Variants in CSGALNACT1 observed in about 807,000 individuals in gnomAD.
CSGALNACT1 encodes the protein beta4GalNAcT-1.
A neutral mutation model predicts 51.0 loss-of-function variants in CSGALNACT1; 52 were observed. That is an observed-to-expected ratio of 1.02 (90% confidence interval 0.82 to 1.29). The LOEUF is 1.29. Among genes scored for constraint, CSGALNACT1 ranks in the 50% most tolerant of loss-of-function variants. CSGALNACT1 has a pLI of 0.00. For synonymous variants in CSGALNACT1, 341 were observed against 254.4 expected (o/e 1.34, Z -3.24); for missense variants, 935 against 679.2 (o/e 1.38, Z -4.19).
chr8:19,431,753 A>G (rs1032762820), intron 6 of CSGALNACT1, among the ~76,000 whole-genome samples: 4 of 151,952 alleles, frequency 2.6e-5, no homozygotes, highest in African/African-American at 9.7e-5. Context: ...TTAATTCTTT[A>G]AACACTTGGT....
chr8:19,417,200 A>G (rs907080584), intron 8 of CSGALNACT1, among the ~76,000 whole-genome samples: 3 of 152,226 alleles, frequency 2.0e-5, no homozygotes, highest in African/African-American at 7.2e-5. Flanking sequence ...GTTTTTATGT[A>G]TAAAGCACAG....
intron 1 of CSGALNACT1, among the ~76,000 whole-genome samples, chr8:19,707,740 C>A (rs553565076): frequency 6.6e-6 from 1 of 152,296 alleles, no homozygotes; most frequent in South Asian, 2.1e-4. Context: ...GTGGCTCACA[C>A]CTGTAATCCC....
chr8:19,511,107 G>C lies in CSGALNACT1; in HGVS notation c.-296-4977C>G, dbSNP rs752894950. Among the ~76,000 whole-genome samples, 17 of 152,268 alleles carry C rather than the reference G, an allele frequency of 1.1e-4. No homozygotes were observed. In the South Asian group the frequency reaches 2.9e-3, roughly 26 times the overall value. ...ACGCTGTCAGGGTCAGCAGCAGGCA[G>C]AAAGGACAGTGGCTTCATGGCAAGG... On this transcript the variant is annotated intron_variant, in intron 3 of 9. Coordinates refer to ENST00000454498, the Ensembl canonical transcript of CSGALNACT1.
chr8:19,535,187 GACA>G (rs2083498301), intron 3 of CSGALNACT1, among the ~76,000 whole-genome samples: 1 of 151,504 alleles, frequency 6.6e-6, no homozygotes, highest in Non-Finnish European at 1.5e-5. Context: ...ACATATAAAT[GACA>G]ACATTTGAAA....
At chr8:19,707,615 C>G (rs555082433) in intron 1 of CSGALNACT1, among the ~76,000 whole-genome samples, 86 of 135,444 alleles carry the variant, frequency 6.3e-4, no homozygotes, top group African/African-American at 2.3e-3. Context: ...TTAAATCACC[C>G]TCTACAAGAG....
At chr8:19,409,890 G>A (rs1233722777) in intron 8 of CSGALNACT1, among the ~76,000 whole-genome samples, 1 of 152,052 alleles carries the variant, frequency 6.6e-6, no homozygotes, top group African/African-American at 2.4e-5. Flanking sequence ...TATAAAACAA[G>A]GGGGTTAAAT....
chr8:19,677,120 T>TC (rs1270643789), intron 1 of CSGALNACT1, among the ~76,000 whole-genome samples: 6 of 150,552 alleles, frequency 4.0e-5, no homozygotes, highest in Non-Finnish European at 5.9e-5. Context: ...CTTTTTTTTT[T>TC]CCTCCTAAAA....
chr8:19,535,751 G>A (rs1395148729), intron 3 of CSGALNACT1, among the ~76,000 whole-genome samples: 2 of 152,112 alleles, frequency 1.3e-5, no homozygotes, highest in African/African-American at 4.8e-5. Flanking sequence ...ATCAACTGAT[G>A]TCAAAAAACA....
intron 5 of CSGALNACT1, among the ~76,000 whole-genome samples, chr8:19,446,496 A>AATTCATTC (rs375986004): frequency 5.9e-5 from 9 of 151,880 alleles, no homozygotes; most frequent in South Asian, 2.1e-4. Context: ...GAAGCCTGAA[A>AATTCATTC]ATTCATTCAT....
chr8:19,501,418 T>C (rs2076397589), intron 4 of CSGALNACT1, among the ~76,000 whole-genome samples: 1 of 152,160 alleles, frequency 6.6e-6, no homozygotes, highest in Non-Finnish European at 1.5e-5. Flanking sequence ...ACATCTGAAC[T>C]TTGGAGGGGA....
At chr8:19,538,995 T>C (rs1156659991) in intron 3 of CSGALNACT1, among the ~76,000 whole-genome samples, 1 of 152,222 alleles carries the variant, frequency 6.6e-6, no homozygotes, top group Non-Finnish European at 1.5e-5. Flanking sequence ...AAAGACCTTG[T>C]GCTGGGCATA....
chr8:19,569,721 G>A (rs1172835665), intron 3 of CSGALNACT1, among the ~76,000 whole-genome samples: 2 of 152,112 alleles, frequency 1.3e-5, no homozygotes, highest in African/African-American at 4.8e-5. Context: ...CTATGACCCA[G>A]TAAGTCAAGA....
chr8:19,420,368 G>C (rs757522479), exon 7 of CSGALNACT1: 3 of 1,614,170 alleles, frequency 1.9e-6, no homozygotes, highest in East Asian at 4.5e-5. Context: ...TACACGTATT[G>C]AGGAATTCAG....
intron 1 of CSGALNACT1, among the ~76,000 whole-genome samples, chr8:19,659,465 CTGTG>C (rs1165723563): frequency 1.3e-5 from 2 of 152,112 alleles, no homozygotes; most frequent in Non-Finnish European, 2.9e-5. Context: ...TTGTGACAAA[CTGTG>C]TGTGTTTCCG....
At chr8:19,422,585 G>C (rs770684057) in intron 6 of CSGALNACT1, among the ~76,000 whole-genome samples, 1 of 152,146 alleles carries the variant, frequency 6.6e-6, no homozygotes, top group East Asian at 1.9e-4. Flanking sequence ...CTTTTCTCTG[G>C]GGGGGTGCCC....
At chr8:19,691,324 CT>C (rs1012112025) in intron 1 of CSGALNACT1, among the ~76,000 whole-genome samples, 1 of 152,178 alleles carries the variant, frequency 6.6e-6, no homozygotes, top group Admixed American at 6.5e-5. Context: ...AGCAGGGCTT[CT>C]AGATCTCACT....
At chr8:19,553,611 A>G (rs1167019918) in intron 3 of CSGALNACT1, among the ~76,000 whole-genome samples, 1 of 134,518 alleles carries the variant, frequency 7.4e-6, no homozygotes, top group African/African-American at 3.1e-5. Flanking sequence ...ACATTTATGT[A>G]TATAAATACA....
intron 3 of CSGALNACT1, among the ~76,000 whole-genome samples, chr8:19,521,172 A>T (rs2080609208): frequency 6.6e-6 from 1 of 152,170 alleles, no homozygotes; most frequent in South Asian, 2.1e-4. Flanking sequence ...GCTGTCTAAG[A>T]TTTTAAACAA....
chr8:19,420,668 C>T (rs1209630162), intron 6 of CSGALNACT1, 150 bp from the exon 6 acceptor site: 1 of 813,548 alleles, frequency 1.2e-6, no homozygotes, highest in African/African-American at 1.7e-5. Flanking sequence ...ACAGAACGGC[C>T]CAGACTCACA....
Sources: allele counts gnomAD v4.1 joint callset (sites outside exome capture counted in the v4.1 genomes callset), GRCh38; gene constraint gnomAD v4.1.1; transcripts MANE v1.5; gene names NCBI Gene and HGNC (gene_info 2026-07-23, HGNC 2026-07-21).